Variants in GRID1 observed in about 807,000 individuals in gnomAD.
The protein encoded by GRID1 is glutamate receptor ionotropic, delta-1.
Under a neutral mutation model 98.0 loss-of-function variants are expected in GRID1, and 28 were observed. The ratio of observed to expected loss-of-function variants is 0.29; its 90% CI spans 0.21 to 0.39. GRID1 has a LOEUF of 0.39. GRID1 is among the 10% of genes least tolerant of loss of function. The pLI is 1.00. For synonymous variants in GRID1, 553 were observed against 538.5 expected (o/e 1.03, Z -0.37); for missense variants, 1,111 against 1,340.5 (o/e 0.83, Z 2.67).
At chr10:86,212,093 T>C (rs1846115148) in intron 2 of GRID1, among the ~76,000 whole-genome samples, 1 of 152,150 alleles carries the variant, frequency 6.6e-6, no homozygotes, top group Non-Finnish European at 1.5e-5. Context: ...CCCACTATTC[T>C]CCATCCCCGT....
Position 85,856,027 on chromosome 10 carries a change from AC to A in GRID1, c.1113+1del, listed in dbSNP as rs759818175. On this transcript the variant is annotated splice_donor_variant, in intron 7 of 15. Coordinates refer to ENST00000327946, the MANE Select transcript of GRID1 (RefSeq NM_017551.3). LOFTEE classifies it high-confidence loss of function. ...AGGTTGGGGGTGCCCCCTCACACGTACCTTTTTGATGGTATCCAGCATGGAC... is the reference window on the plus strand; with the variant it reads ...AGGTTGGGGGTGCCCCCTCACACGTACTTTTTGATGGTATCCAGCATGGAC... 1 of 1,613,362 alleles carries A rather than the reference AC, an allele frequency of 6.2e-7. No homozygotes were observed. The highest frequency in any genetic ancestry group is 8.5e-7 in the Non-Finnish European group (1 of 1,179,896).
chr10:86,098,453 C>T (rs1844251640), intron 4 of GRID1, among the ~76,000 whole-genome samples: 1 of 152,226 alleles, frequency 6.6e-6, no homozygotes, highest in Non-Finnish European at 1.5e-5. Context: ...ACACCCCTAA[C>T]ATTGGCTCCT....
chr10:85,784,125 A>T (rs1171941910), intron 8 of GRID1, among the ~76,000 whole-genome samples: 3 of 152,252 alleles, frequency 2.0e-5, no homozygotes, highest in African/African-American at 7.2e-5. Context: ...AAAGGAAATA[A>T]TGTAAATATT....
intron 5 of GRID1, among the ~76,000 whole-genome samples, chr10:85,880,282 A>C (rs1840986158): frequency 6.6e-6 from 1 of 152,224 alleles, no homozygotes; most frequent in Admixed American, 6.5e-5. Flanking sequence ...TGAGGCCAGC[A>C]TCATCCTGAT....
intron 4 of GRID1, among the ~76,000 whole-genome samples, chr10:85,965,740 C>T (rs796183012): frequency 9.2e-5 from 14 of 151,996 alleles, no homozygotes; most frequent in African/African-American, 3.4e-4. Flanking sequence ...ACCTATGTAA[C>T]AAACCTGCGT....
chr10:86,135,174 G>A (rs936660623), intron 4 of GRID1, among the ~76,000 whole-genome samples: 7 of 152,222 alleles, frequency 4.6e-5, no homozygotes, highest in African/African-American at 7.2e-5. Context: ...CTTGCATGAG[G>A]AGAACATCAT....
intron 4 of GRID1, among the ~76,000 whole-genome samples, chr10:86,081,353 T>C (rs1276391865): frequency 6.6e-6 from 1 of 152,082 alleles, no homozygotes; most frequent in Non-Finnish European, 1.5e-5. Flanking sequence ...AAACTGACAA[T>C]GCAAGAATTC....
chr10:86,139,005 G>C lies in GRID1; in HGVS notation c.540C>G (p.Ser180Arg). 6.2e-7 allele frequency: 1 copy of C among 1,613,560 alleles called. No homozygotes were observed. Among genetic ancestry groups the C allele is most frequent in the Non-Finnish European group, 8.5e-7 (1 of 1,179,448 alleles). ...DSEYDIRGLQSFLDQASRLGL... is the reference protein window; with the variant it reads ...DSEYDIRGLQRFLDQASRLGL... ...CCAGCCGCGAGGCCTGGTCCAGAAA[G>C]CTTTGAAGCCCACGGATATCTGAGC... Residue 180 changes from serine (S) to arginine (R), a missense_variant, in exon 4 of 16, where the codon AGC (serine) becomes AGG (arginine). This residue lies in a region of GRID1 where 346 missense variants were observed against 452.3 expected (regional missense o/e 0.76). Transcript: ENST00000327946.
chr10:86,061,619 G>C (rs566410598), intron 4 of GRID1, among the ~76,000 whole-genome samples: 4 of 152,212 alleles, frequency 2.6e-5, no homozygotes, highest in African/African-American at 9.6e-5. Context: ...TGCTCCCCCA[G>C]ACCCCTCTGG....
At chr10:86,285,148 G>A (rs1430078102) in intron 2 of GRID1, among the ~76,000 whole-genome samples, 1 of 143,998 alleles carries the variant, frequency 6.9e-6, no homozygotes, top group Non-Finnish European at 1.5e-5. Context: ...AAAGCATCCA[G>A]AGTGTCCCTG....
intron 5 of GRID1, among the ~76,000 whole-genome samples, chr10:85,911,359 T>C (rs992525476): frequency 6.6e-6 from 1 of 152,094 alleles, no homozygotes; most frequent in Non-Finnish European, 1.5e-5. Context: ...CAAGAGGATC[T>C]TGAGTCAAGC....
chr10:85,893,564 A>G (rs1387661299), intron 5 of GRID1, among the ~76,000 whole-genome samples: 1 of 152,206 alleles, frequency 6.6e-6, no homozygotes, highest in Non-Finnish European at 1.5e-5. Flanking sequence ...ATATCCAGAA[A>G]CCAGTTGTAT....
At chr10:86,223,958 C>A (rs1450111212) in intron 2 of GRID1, among the ~76,000 whole-genome samples, 1 of 152,052 alleles carries the variant, frequency 6.6e-6, no homozygotes, top group African/African-American at 2.4e-5. Context: ...CAAGGACCAG[C>A]AGGTGATAGG....
intron 11 of GRID1, among the ~76,000 whole-genome samples, chr10:85,723,853 A>G (rs1360368223): frequency 1.3e-5 from 2 of 152,202 alleles, no homozygotes; most frequent in Non-Finnish European, 2.9e-5. Flanking sequence ...AAACTTTGCA[A>G]TTTGTTGCTC....
intron 5 of GRID1, among the ~76,000 whole-genome samples, chr10:85,903,222 T>C (rs907284586): frequency 6.6e-6 from 1 of 152,158 alleles, no homozygotes; most frequent in Admixed American, 6.5e-5. Context: ...TCAAACCAAA[T>C]TCCTGATCTT....
intron 2 of GRID1, among the ~76,000 whole-genome samples, chr10:86,306,976 C>G (rs1175515441): frequency 6.6e-6 from 1 of 152,160 alleles, no homozygotes; most frequent in East Asian, 1.9e-4. Context: ...GCCCTCACCA[C>G]AGTACAAGTA....
chr10:86,074,780 C>T (rs1176348742), intron 4 of GRID1, among the ~76,000 whole-genome samples: 1 of 152,222 alleles, frequency 6.6e-6, no homozygotes. Context: ...TAAAATTTGG[C>T]TTCAGCTTTT....
intron 4 of GRID1, among the ~76,000 whole-genome samples, chr10:86,107,635 C>A (rs1844411168): frequency 6.6e-6 from 1 of 152,202 alleles, no homozygotes; most frequent in African/African-American, 2.4e-5. Context: ...CCTGGCCTGC[C>A]ATGCCCCTAT....
At chr10:86,343,965 G>A (rs1031192928) in intron 2 of GRID1, among the ~76,000 whole-genome samples, 32 of 152,250 alleles carry the variant, frequency 2.1e-4, no homozygotes, top group Non-Finnish European at 1.8e-4. Flanking sequence ...ACGTGGCCAC[G>A]CCTGGCCCTT....
Sources: gnomAD v4.1 joint callset for allele counts (sites outside exome capture counted in the v4.1 genomes callset) on GRCh38, gnomAD v4.1.1 for gene constraint, gnomAD v4.1.1 regional missense constraint, MANE v1.5 for transcripts, NCBI Gene and HGNC (gene_info 2026-07-23, HGNC 2026-07-21) for gene names.